RAPGEF4: variants seen among roughly 807,000 people sequenced by gnomAD.
The protein encoded by RAPGEF4 is Rap guanine nucleotide exchange factor 4, also known as RAP guanine-nucleotide-exchange factor (GEF) 4.
Under a neutral mutation model 147.9 loss-of-function variants are expected in RAPGEF4, and 66 were observed. The observed-to-expected ratio is 0.45, with a 90% CI of 0.37 to 0.55. RAPGEF4 has a LOEUF of 0.55. Ranked by LOEUF, RAPGEF4 falls within the 20% of genes least tolerant of loss-of-function variation. The pLI is 0.00. For missense variants in RAPGEF4, 1,071 were observed against 1,257.3 expected, an observed-to-expected ratio of 0.85 and a Z score of 2.24; for synonymous variants, 419 against 442.7, an observed-to-expected ratio of 0.95 and a Z score of 0.67.
intron 1 of RAPGEF4, among the ~76,000 whole-genome samples, chr2:172,760,965 A>G (rs1451543853): frequency 6.6e-6 from 1 of 152,062 alleles, no homozygotes; most frequent in Non-Finnish European, 1.5e-5. Flanking sequence ...ACTACTGAAA[A>G]CTAAACATAA....
At chr2:172,813,410 G>T (rs1014652366) in intron 3 of RAPGEF4, among the ~76,000 whole-genome samples, 2 of 152,190 alleles carry the variant, frequency 1.3e-5, no homozygotes, top group African/African-American at 2.4e-5. Flanking sequence ...TACACCTTAA[G>T]AAACTTTTAA....
chr2:173,026,676 A>G lies in RAPGEF4; in HGVS notation c.2358A>G (p.Glu786=), dbSNP rs769836015. 1.2e-6 allele frequency: 2 copies of G among 1,613,856 alleles called. No individual in the cohort carries two copies. The highest frequency in any genetic ancestry group is 8.5e-7 in the Non-Finnish European group (1 of 1,179,916). ...ACCAGATGACAATTTATGATTGGGA[A>G]CTCTTCAACTGCGTGCATGAGGTAA... The part of the protein sequence containing the change: ...LAYQMTIYDW[E]LFNCVHELEL... Residue 786 remains glutamate (E), a synonymous_variant, in exon 24 of 31, where the codon GAA becomes GAG. Transcript: ENST00000397081.
chr2:173,039,087 C>G (rs2106027410), intron 29 of RAPGEF4, among the ~76,000 whole-genome samples: 1 of 152,298 alleles, frequency 6.6e-6, no homozygotes, highest in East Asian at 1.9e-4. Context: ...GCTACGATAG[C>G]CAGCAGTTCA....
intron 4 of RAPGEF4, among the ~76,000 whole-genome samples, chr2:172,877,495 A>G (rs1445646320): frequency 6.6e-6 from 1 of 151,924 alleles, no homozygotes; most frequent in Non-Finnish European, 1.5e-5. Context: ...AACAAACCGT[A>G]AATTTTGCAC....
chr2:172,870,747 A>G (rs1292808930), intron 4 of RAPGEF4, among the ~76,000 whole-genome samples: 2 of 152,134 alleles, frequency 1.3e-5, no homozygotes, highest in African/African-American at 4.8e-5. Context: ...CTTGTTTCCT[A>G]TTTCAAATAT....
chr2:173,027,556 C>T (rs1019655851), intron 25 of RAPGEF4, among the ~76,000 whole-genome samples: 4 of 152,152 alleles, frequency 2.6e-5, no homozygotes, highest in African/African-American at 4.8e-5. Context: ...AAATTCCTTC[C>T]GTAAACCAAG....
chr2:172,841,817 C>CACACACACA, intron 4 of RAPGEF4, among the ~76,000 whole-genome samples: 1 of 122,160 alleles, frequency 8.2e-6, no homozygotes, highest in South Asian at 3.1e-4. Context: ...CACACACACA[C>CACACACACA]TACACACACA....
chr2:172,832,990 G>C (rs547086147), intron 4 of RAPGEF4, among the ~76,000 whole-genome samples: 15 of 152,310 alleles, frequency 9.8e-5, no homozygotes, highest in Non-Finnish European at 4.4e-5. Context: ...GATCGCCTGA[G>C]GTCAGGAGTT....
intron 4 of RAPGEF4, among the ~76,000 whole-genome samples, chr2:172,853,878 G>A (rs116715083): frequency 0.48 from 73,057 of 151,382 alleles, 17,941 homozygotes; most frequent in African/African-American, 0.59. Flanking sequence ...TAATTAAATT[G>A]TGGTCCGAAA....
At chr2:172,969,998 A>C (rs1690281993) in intron 10 of RAPGEF4, among the ~76,000 whole-genome samples, 1 of 152,088 alleles carries the variant, frequency 6.6e-6, no homozygotes, top group African/African-American at 2.4e-5. Flanking sequence ...TGGCCTTGGG[A>C]TTTTCCCATC....
intron 6 of RAPGEF4, among the ~76,000 whole-genome samples, chr2:172,930,477 A>G (rs1685803628): frequency 1.3e-5 from 2 of 152,142 alleles, no homozygotes; most frequent in African/African-American, 2.4e-5. Context: ...CTTTTCCGTT[A>G]TAATTACCCA....
chr2:172,927,748 A>G (rs1398790690), intron 6 of RAPGEF4, among the ~76,000 whole-genome samples: 1 of 152,216 alleles, frequency 6.6e-6, no homozygotes, highest in Non-Finnish European at 1.5e-5. Context: ...TGTGGAACAC[A>G]GTTTTTAAAA....
intron 15 of RAPGEF4, among the ~76,000 whole-genome samples, chr2:172,993,080 T>A (rs1238818502): frequency 1.3e-5 from 2 of 152,192 alleles, no homozygotes; most frequent in Non-Finnish European, 2.9e-5. Flanking sequence ...GTGCTGCTAA[T>A]AATGTTATTT....
rs531517115 is a variant in RAPGEF4, at chr2:172,794,933, G to A, written c.66-92G>A. 1.1e-4 allele frequency: 145 copies of A among 1,274,424 alleles called. 1 individual carries two copies. The South Asian group carries it at 2.1e-3, about 18-fold the overall frequency. The allele number at this position is 1,274,424 out of a possible 1,614,324, so 78.9% of individuals were successfully genotyped here. On this transcript the variant is annotated intron_variant, in intron 1 of 30. Coordinates refer to ENST00000397081, the MANE Select transcript of RAPGEF4 (RefSeq NM_007023.4). Reference sequence around the variant, plus strand: ...AAATATTCACAAGTGGGATATTTGGGTAAATTTGAATATAATTAAAATGAG... The same window carrying A: ...AAATATTCACAAGTGGGATATTTGGATAAATTTGAATATAATTAAAATGAG...
At chr2:172,798,772 T>A (rs1378060322) in intron 3 of RAPGEF4, among the ~76,000 whole-genome samples, 1 of 152,158 alleles carries the variant, frequency 6.6e-6, no homozygotes, top group Admixed American at 6.5e-5. Context: ...TGGAGTGGTA[T>A]CCCAAAAGAT....
rs934231354 is a variant in RAPGEF4, at chr2:173,016,542, G to A, written c.1898+105G>A. The A allele has an allele frequency of 6.3e-5, 58 of 918,820 alleles. No homozygotes were observed. The South Asian group carries it at 6.8e-4, about 11-fold the overall frequency. The allele number at this position is 918,820 out of a possible 1,614,324, so 56.9% of individuals were successfully genotyped here. ...GCTGGTCTTTCCATAGCCATGCCCC[G>A]CTTGATTTGATTTAAGCAGACTGGG... On this transcript the variant is annotated intron_variant, in intron 19 of 30. Coordinates refer to ENST00000397081, the MANE Select transcript of RAPGEF4 (RefSeq NM_007023.4).
intron 4 of RAPGEF4, among the ~76,000 whole-genome samples, chr2:172,879,111 G>C (rs1174492188): frequency 6.6e-6 from 1 of 152,152 alleles, no homozygotes; most frequent in Non-Finnish European, 1.5e-5. Context: ...ATAAGGGCCT[G>C]TTTTTGGTAG....
Position 173,051,873 on chromosome 2 carries a change from A to T in RAPGEF4, c.*106A>T. ...TTGCCACTAGAGAATTCTACAAAAC[A>T]AGCAAAAACACATCCTGAGACACCT... On this transcript the variant is annotated 3_prime_UTR_variant, in exon 31 of 31. Transcript: ENST00000397081. The T allele has an allele frequency of 7.4e-7, 1 of 1,351,220 alleles. No individual in the cohort carries two copies. Among genetic ancestry groups the T allele is most frequent in the Non-Finnish European group, 1.0e-6 (1 of 973,950 alleles). The allele number at this position is 1,351,220 out of a possible 1,614,324, so 83.7% of individuals were successfully genotyped here. A position where few individuals can be genotyped will look rare whatever the true frequency, so the allele number is the denominator to read the frequency against.
At chr2:172,886,731 G>A (rs1559098201) in intron 4 of RAPGEF4, among the ~76,000 whole-genome samples, 1 of 147,832 alleles carries the variant, frequency 6.8e-6, no homozygotes, top group Non-Finnish European at 1.5e-5. Context: ...TTTTGGCAAT[G>A]CTCTTTCTAA....
Sources: gnomAD v4.1 joint callset for allele counts (sites outside exome capture counted in the v4.1 genomes callset) on GRCh38, gnomAD v4.1.1 for gene constraint, MANE v1.5 for transcripts, NCBI Gene and HGNC (gene_info 2026-07-23, HGNC 2026-07-21) for gene names.